SUGCT: variants seen among roughly 807,000 people sequenced by gnomAD.
SUGCT encodes succinyl-CoA:glutarate CoA-transferase.
In SUGCT, 41 loss-of-function variants were observed where a neutral mutation model predicts 55.0. The observed-to-expected ratio is 0.74, with a 90% CI of 0.58 to 0.97. The LOEUF is 0.97. Ranked by LOEUF, SUGCT falls within the 50% of genes least tolerant of loss-of-function variation. The pLI is 0.00. For missense variants in SUGCT, 568 were observed against 547.8 expected, an observed-to-expected ratio of 1.04 and a Z score of -0.37; for synonymous variants, 187 against 200.4, an observed-to-expected ratio of 0.93 and a Z score of 0.56.
At chr7:40,433,226 C>T (rs1277332076) in intron 9 of SUGCT, among the ~76,000 whole-genome samples, 1 of 152,016 alleles carries the variant, frequency 6.6e-6, no homozygotes, top group South Asian at 2.1e-4. Context: ...CATTGAACAT[C>T]CTTGTGATGA....
intron 7 of SUGCT, among the ~76,000 whole-genome samples, chr7:40,265,118 T>C (rs1210589403): frequency 1.3e-5 from 2 of 152,190 alleles, no homozygotes; most frequent in Non-Finnish European, 2.9e-5. Flanking sequence ...ATTAAAAAAT[T>C]TGTGTGCCCC....
chr7:40,972,654 A>G, the SUGCT span, among the ~76,000 whole-genome samples: 4 of 152,202 alleles, frequency 2.6e-5, no homozygotes, highest in South Asian at 4.1e-4. Flanking sequence ...GTTGCTTGCT[A>G]TAAGCACCAG....
intron 8 of SUGCT, among the ~76,000 whole-genome samples, chr7:40,286,812 T>C (rs1051034565): frequency 1.2e-5 from 1 of 86,210 alleles, no homozygotes; most frequent in Non-Finnish European, 2.3e-5. Context: ...AAGGAATCAG[T>C]AACAGGCTGT....
intron 13 of SUGCT, among the ~76,000 whole-genome samples, chr7:40,750,827 G>GA (rs1293964124): frequency 3.3e-5 from 5 of 152,064 alleles, no homozygotes; most frequent in Non-Finnish European, 5.9e-5. Context: ...AAAAGTGGTA[G>GA]AAAAAAATGT....
intron 13 of SUGCT, among the ~76,000 whole-genome samples, chr7:40,826,371 C>T (rs1792311327): frequency 6.6e-6 from 1 of 151,956 alleles, no homozygotes; most frequent in Admixed American, 6.6e-5. Flanking sequence ...GCATTGCAAA[C>T]ATGCTATACA....
intron 9 of SUGCT, among the ~76,000 whole-genome samples, chr7:40,346,751 G>A (rs917080893): frequency 2.0e-5 from 3 of 152,116 alleles, no homozygotes; most frequent in Non-Finnish European, 4.4e-5. Flanking sequence ...TCATGAGGGT[G>A]GAGCCCTAAT....
intron 7 of SUGCT, among the ~76,000 whole-genome samples, chr7:40,245,616 T>C (rs890338045): frequency 6.7e-6 from 1 of 149,094 alleles, no homozygotes; most frequent in Non-Finnish European, 1.5e-5. Context: ...ATTTTTTGTA[T>C]TTTTAGTAGA....
At chr7:40,231,354 C>T (rs142899462) in intron 6 of SUGCT, among the ~76,000 whole-genome samples, 45 of 152,252 alleles carry the variant, frequency 3.0e-4, no homozygotes, top group African/African-American at 1.1e-3. Flanking sequence ...AGAACAGTCA[C>T]CTTGGTCACA....
chr7:40,400,445 T>C (rs1411334898), intron 9 of SUGCT, among the ~76,000 whole-genome samples: 1 of 152,194 alleles, frequency 6.6e-6, no homozygotes, highest in Non-Finnish European at 1.5e-5. Flanking sequence ...GCATGTATCC[T>C]TTTAATATAA....
chr7:40,828,798 T>C (rs756047804), intron 13 of SUGCT, among the ~76,000 whole-genome samples: 42 of 152,132 alleles, frequency 2.8e-4, no homozygotes, highest in Non-Finnish European at 5.6e-4. Flanking sequence ...CCACAGTTCC[T>C]GACCTTCACT....
At chr7:40,432,479 A>C (rs1787943852) in intron 9 of SUGCT, among the ~76,000 whole-genome samples, 1 of 152,064 alleles carries the variant, frequency 6.6e-6, no homozygotes, top group South Asian at 2.1e-4. Flanking sequence ...CGAGGTCAGG[A>C]GTTTGAGACC....
chr7:40,857,950 C>T (rs995544352), intron 13 of SUGCT, among the ~76,000 whole-genome samples: 4 of 152,078 alleles, frequency 2.6e-5, no homozygotes, highest in African/African-American at 7.2e-5. Context: ...ACCCAACAGA[C>T]GTGAAATTGG....
At chr7:40,279,780 T>C (rs955108747) in intron 8 of SUGCT, among the ~76,000 whole-genome samples, 5 of 152,154 alleles carry the variant, frequency 3.3e-5, no homozygotes, top group Non-Finnish European at 5.9e-5. Context: ...AAACCTGCTT[T>C]ATGTAAATAA....
At chr7:40,320,000 T>TA (rs1306460543) in intron 9 of SUGCT, among the ~76,000 whole-genome samples, 1 of 151,944 alleles carries the variant, frequency 6.6e-6, no homozygotes, top group Admixed American at 6.6e-5. Flanking sequence ...TTCAGATTTT[T>TA]AAAAAAAAGT....
chr7:40,947,303 A>G, the SUGCT span, among the ~76,000 whole-genome samples: 1 of 152,082 alleles, frequency 6.6e-6, no homozygotes, highest in Non-Finnish European at 1.5e-5. Flanking sequence ...TTAAAAAATA[A>G]TTTCTATTTC....
chr7:40,908,464 C>G, the SUGCT span, among the ~76,000 whole-genome samples: 1 of 150,066 alleles, frequency 6.7e-6, no homozygotes, highest in East Asian at 1.9e-4. Flanking sequence ...TAATAATATA[C>G]CACTTTATTC....
intron 9 of SUGCT, among the ~76,000 whole-genome samples, chr7:40,349,123 C>A (rs565266325): frequency 6.6e-6 from 1 of 152,258 alleles, no homozygotes; most frequent in African/African-American, 2.4e-5. Context: ...TGCTGGCAAA[C>A]AATGGTAAGT....
At chr7:40,666,957 G>A (rs745534454) in intron 12 of SUGCT, among the ~76,000 whole-genome samples, 2 of 151,838 alleles carry the variant, frequency 1.3e-5, no homozygotes, top group South Asian at 2.1e-4. Flanking sequence ...GTGAGACCTC[G>A]TCTCTACTAA....
At chr7:40,329,240 A>G (rs1243305556) in intron 9 of SUGCT, among the ~76,000 whole-genome samples, 3 of 152,204 alleles carry the variant, frequency 2.0e-5, no homozygotes, top group Non-Finnish European at 4.4e-5. Flanking sequence ...AATATTAGGC[A>G]AATAATATAA....
Sources: allele counts gnomAD v4.1 joint callset (sites outside exome capture counted in the v4.1 genomes callset), GRCh38; gene constraint gnomAD v4.1.1; transcripts MANE v1.5; gene names NCBI Gene and HGNC (gene_info 2026-07-23, HGNC 2026-07-21).